Variants in TRIM2 observed in about 807,000 individuals in gnomAD.
TRIM2 encodes tripartite motif containing 2, also known as tripartite motif-containing protein 2.
Under a neutral mutation model 75.2 loss-of-function variants are expected in TRIM2, and 20 were observed. The ratio of observed to expected loss-of-function variants is 0.27; its 90% CI spans 0.19 to 0.39. The LOEUF (loss-of-function observed/expected upper bound fraction) is 0.39. Among genes scored for constraint, TRIM2 ranks in the 10% least tolerant of loss-of-function variants. TRIM2 has a pLI of 1.00. For synonymous variants in TRIM2, 373 were observed against 388.3 expected, an observed-to-expected ratio of 0.96 and a Z score of 0.46; for missense variants, 660 against 990.8, an observed-to-expected ratio of 0.67 and a Z score of 4.48.
At position 153,335,000 on chromosome 4, in the gene TRIM2, T is replaced by C; in HGVS notation, c.*34T>C. On this transcript the variant is annotated 3_prime_UTR_variant, in exon 12 of 12. Transcript: ENST00000338700. ...AGGTGGATACCCGCTTCCATGGTCT[T>C]GCACTATAAACTGGAATGGATTTCT... is the stretch of plus-strand genomic sequence containing the variant. The C allele has an allele frequency of 6.4e-7, 1 of 1,566,522 alleles. No individual in the cohort carries two copies. Among genetic ancestry groups the C allele is most frequent in the Non-Finnish European group, 8.7e-7 (1 of 1,150,208 alleles).
intron 1 of TRIM2, among the ~76,000 whole-genome samples, chr4:153,238,637 T>G (rs1745641315): frequency 6.6e-6 from 1 of 152,112 alleles, no homozygotes; most frequent in Non-Finnish European, 1.5e-5. Flanking sequence ...ATAGAATGAG[T>G]GCATTTTAAG....
At position 153,170,878 on chromosome 4, in the gene TRIM2, T is replaced by C. The variant is rs144177937; in HGVS notation, c.-49+17608T>C. Among the ~76,000 whole-genome samples, 910 of 152,354 alleles carry C rather than the reference T, an allele frequency of 6.0e-3. 9 individuals are homozygous for C. The highest frequency in any genetic ancestry group is 0.031 in the South Asian group (149 of 4,822). The stretch of plus-strand genomic sequence containing the variant: ...TGGGCTGCCCAACTAGATGTGATGT[T>C]AGCTATAACCACTGACACCTGACCA... On this transcript the variant is annotated intron_variant, in intron 1 of 11. Coordinates refer to the TRIM2 transcript ENST00000437508.
chr4:153,315,338 T>G, intron 6 of TRIM2, 147 bp from the exon 7 acceptor site: 1 of 579,626 alleles, frequency 1.7e-6, no homozygotes, highest in Non-Finnish European at 3.0e-6. Context: ...GATTAGGTTA[T>G]TGGGGAGGGA....
At chr4:153,259,001 A>G (rs568783463) in intron 1 of TRIM2, among the ~76,000 whole-genome samples, 1 of 152,320 alleles carries the variant, frequency 6.6e-6, no homozygotes, top group South Asian at 2.1e-4. Context: ...GGATGCAGAG[A>G]CAGGAGTAGT....
At chr4:153,259,642 T>A (rs189829179) in intron 1 of TRIM2, among the ~76,000 whole-genome samples, 138 of 152,360 alleles carry the variant, frequency 9.1e-4, no homozygotes, top group Admixed American at 3.5e-3. Flanking sequence ...TGCACATACC[T>A]GTGATAGCCT....
intron 6 of TRIM2, chr4:153,308,749 T>C (rs372624155): frequency 4.1e-5 from 22 of 537,660 alleles, no homozygotes; most frequent in African/African-American, 2.3e-4. Context: ...CAGGATTTCA[T>C]GAACAGCAGA....
chr4:153,210,679 C>A (rs1475459789), intron 1 of TRIM2, among the ~76,000 whole-genome samples: 1 of 152,184 alleles, frequency 6.6e-6, no homozygotes, highest in Non-Finnish European at 1.5e-5. Flanking sequence ...GAAACAGCAG[C>A]AATCAGTGAT....
chr4:153,335,124 G>T lies in TRIM2; in HGVS notation c.*158G>T. 2 of 1,292,324 alleles carry T rather than the reference G, an allele frequency of 1.5e-6. No individual in the cohort carries two copies. The highest frequency in any genetic ancestry group is 2.9e-5 in the South Asian group (1 of 33,958). The allele number at this position is 1,292,324 out of a possible 1,614,324, so 80.1% of individuals were successfully genotyped here. ...TGAATGTAACAATTTCCTTAAAAAT[G>T]ACTTATCCAATTTCTGTATTTCACC... On this transcript the variant is annotated 3_prime_UTR_variant, in exon 12 of 12. Transcript: ENST00000338700.
chr4:153,201,317 A>G (rs2149679180), upstream of TRIM2, among the ~76,000 whole-genome samples: 1 of 152,034 alleles, frequency 6.6e-6, no homozygotes, highest in African/African-American at 2.4e-5. Context: ...GCATCTTTTC[A>G]TGTGTTTGTT....
At chr4:153,178,864 G>A (rs2149631010) in intron 1 of TRIM2, among the ~76,000 whole-genome samples, 1 of 152,304 alleles carries the variant, frequency 6.6e-6, no homozygotes, top group East Asian at 1.9e-4. Flanking sequence ...TTAATCAAGA[G>A]TAAAATTTAC....
In TRIM2 at chr4:153,295,462, C is replaced by T. The variant is rs1217667637; in HGVS notation, c.936C>T (p.Ala312=). 1.5e-5 allele frequency: 25 copies of T among 1,614,168 alleles called. No individual in the cohort carries two copies. The highest frequency in any genetic ancestry group is 2.1e-5 in the Non-Finnish European group (25 of 1,180,032). The change falls in exon 6 of 12, where the codon GCC becomes GCT. Residue 312 remains alanine, a synonymous_variant. Transcript: ENST00000338700. This position sits in a 1 kb window ranked among gnomAD's most constrained non-coding sequence, Gnocchi z 7.2. ...KQMSEKLNEL[A]DQDFPLHPRE... ...TGAGCGAGAAGCTGAACGAGCTGGCCGACCAGGACTTCCCCTTGCACCCGC... is the reference window on the plus strand; with the variant it reads ...TGAGCGAGAAGCTGAACGAGCTGGCTGACCAGGACTTCCCCTTGCACCCGC...
chr4:153,202,170 G>A (rs1734433032), upstream of TRIM2, among the ~76,000 whole-genome samples: 1 of 152,150 alleles, frequency 6.6e-6, no homozygotes, highest in African/African-American at 2.4e-5. Context: ...AATCAGAAGG[G>A]CTTGAGAAAA....
chr4:153,205,407 G>A (rs1342811083), intron 1 of TRIM2, among the ~76,000 whole-genome samples: 1 of 152,146 alleles, frequency 6.6e-6, no homozygotes, highest in African/African-American at 2.4e-5. Context: ...CACGGGGTGC[G>A]CAAAGGGCAA....
rs1054925492 is a variant in TRIM2, at chr4:153,339,118, T to C, written c.*4152T>C. 3.0e-6 allele frequency: 3 copies of C among 985,848 alleles called. No homozygotes were observed. The South Asian group carries it at 1.4e-4, about 46-fold the overall frequency. 61.1% of individuals were successfully genotyped at this position (985,848 alleles called of 1,614,324 possible). Reference sequence around the variant, plus strand: ...TATGAATCAAAATGTTGACTGCCTATTTAAAGAAAAGAATGAACGCTGTGC... The same window carrying C: ...TATGAATCAAAATGTTGACTGCCTACTTAAAGAAAAGAATGAACGCTGTGC... On this transcript the variant is annotated 3_prime_UTR_variant, in exon 12 of 12. Coordinates refer to ENST00000338700, the MANE Select transcript of TRIM2 (RefSeq NM_015271.5).
At chr4:153,310,577 A>AGTG (rs1217335280) in intron 6 of TRIM2, among the ~76,000 whole-genome samples, 2 of 152,208 alleles carry the variant, frequency 1.3e-5, no homozygotes, top group Admixed American at 6.5e-5. Context: ...AGTATATGCT[A>AGTG]GTGGTGTCCT....
At chr4:153,167,431 T>G (rs1431788911) in intron 1 of TRIM2, among the ~76,000 whole-genome samples, 1 of 152,224 alleles carries the variant, frequency 6.6e-6, no homozygotes, top group African/African-American at 2.4e-5. Flanking sequence ...GATTTGAGGA[T>G]GACGCAATGG....
chr4:153,269,479 T>G (rs895923153), intron 1 of TRIM2, among the ~76,000 whole-genome samples: 3 of 152,204 alleles, frequency 2.0e-5, no homozygotes, highest in African/African-American at 4.8e-5. Context: ...TTTAGGCAGA[T>G]GGGGAAGGGC....
chr4:153,309,246 T>G (rs1232506378), intron 6 of TRIM2, among the ~76,000 whole-genome samples: 1 of 152,130 alleles, frequency 6.6e-6, no homozygotes, highest in African/African-American at 2.4e-5. Flanking sequence ...ATGTGTGTAT[T>G]GGGGAAAAAA....
chr4:153,197,238 T>G lies in TRIM2; in HGVS notation c.-49+43968T>G, dbSNP rs1579460683. Among the ~76,000 whole-genome samples, 3 of 152,230 alleles carry G rather than the reference T, an allele frequency of 2.0e-5. No individual in the cohort carries two copies. The East Asian group carries it at 5.8e-4, about 29-fold the overall frequency. ...TGGAATGAGTTTAGAACTTTTCACCTCCTTAATGGGTTGTGAGTTAACCTA... is the reference window on the plus strand; with the variant it reads ...TGGAATGAGTTTAGAACTTTTCACCGCCTTAATGGGTTGTGAGTTAACCTA... On this transcript the variant is annotated intron_variant, in intron 1 of 11. Coordinates refer to the TRIM2 transcript ENST00000437508.
Sources: allele counts gnomAD v4.1 joint callset (sites outside exome capture counted in the v4.1 genomes callset), GRCh38; gene constraint gnomAD v4.1.1; non-coding constraint Gnocchi (gnomAD v3.1); transcripts MANE v1.5; gene names NCBI Gene and HGNC (gene_info 2026-07-23, HGNC 2026-07-21).